The following GPC3 variants were observed in gnomAD, a reference collection of about 807,000 sequenced individuals.
GPC3 encodes glypican 3, also known as glypican-3.
In GPC3, 3 loss-of-function variants were observed where a neutral mutation model predicts 34.4. The observed-to-expected ratio is 0.09, with a 90% CI of 0.04 to 0.23. The LOEUF (loss-of-function observed/expected upper bound fraction) is 0.23. Ranked by LOEUF, GPC3 falls within the 10% of genes least tolerant of loss-of-function variation. The pLI, the probability that GPC3 is intolerant of heterozygous loss-of-function variation, is 1.00. For synonymous variants in GPC3, 177 were observed against 174.0 expected (o/e 1.02, Z -0.13); for missense variants, 351 against 445.6 (o/e 0.79, Z 1.91).
chrX:133,613,769 G>C (rs1288081015), intron 6 of GPC3, among the ~76,000 whole-genome samples: 1 of 111,757 alleles, frequency 8.9e-6, no homozygotes, highest in Non-Finnish European at 1.9e-5. Flanking sequence ...CTGCCCCTGA[G>C]GAAGCACAGA....
At chrX:133,809,425 G>C (rs1179189207) in intron 2 of GPC3, among the ~76,000 whole-genome samples, 1 of 111,176 alleles carries the variant, frequency 9.0e-6, no homozygotes, top group Non-Finnish European at 1.9e-5. Flanking sequence ...GAAAAGCAGG[G>C]AGGACAGTGA....
At chrX:133,800,832 G>A (rs1321470540) in intron 2 of GPC3, among the ~76,000 whole-genome samples, 1 of 111,632 alleles carries the variant, frequency 9.0e-6, no homozygotes, top group Admixed American at 9.5e-5. Context: ...GACCACCAAT[G>A]TGTGTGAGGA....
intron 2 of GPC3, among the ~76,000 whole-genome samples, chrX:133,764,611 A>G (rs993186200): frequency 8.0e-5 from 9 of 112,074 alleles, no homozygotes; most frequent in African/African-American, 9.7e-5. Context: ...ACACCCTTGA[A>G]AAAGCAGGAA....
intron 6 of GPC3, among the ~76,000 whole-genome samples, chrX:133,643,614 T>C (rs926491730): frequency 2.7e-5 from 3 of 111,744 alleles, no homozygotes; most frequent in African/African-American, 9.8e-5. Context: ...CATACATATA[T>C]ACACATTAAT....
chrX:133,962,009 G>T (rs745571280), intron 1 of GPC3, among the ~76,000 whole-genome samples: 14 of 112,151 alleles, frequency 1.2e-4, no homozygotes, highest in Admixed American at 3.8e-4. Flanking sequence ...GGGCACAGGG[G>T]TGTGAAAGTG....
At chrX:133,622,236 C>A (rs763463968) in intron 6 of GPC3, among the ~76,000 whole-genome samples, 1 of 111,850 alleles carries the variant, frequency 8.9e-6, no homozygotes, top group African/African-American at 3.2e-5. Context: ...TTCTAAAAAT[C>A]GGAGCACCTC....
At chrX:133,833,504 G>T (rs774647158) in intron 2 of GPC3, among the ~76,000 whole-genome samples, 1 of 111,381 alleles carries the variant, frequency 9.0e-6, no homozygotes, top group South Asian at 3.8e-4. Context: ...CTTGTTAAGC[G>T]CCAGGCACTG....
chrX:133,708,985 TTTG>T (rs1478712057), intron 3 of GPC3, among the ~76,000 whole-genome samples: 3 of 112,329 alleles, frequency 2.7e-5, no homozygotes, highest in Non-Finnish European at 5.6e-5. Flanking sequence ...TTCAGTACAA[TTTG>T]TTAAGATCAT....
chrX:133,660,882 G>A (rs2070709684), intron 6 of GPC3, among the ~76,000 whole-genome samples: 1 of 111,642 alleles, frequency 9.0e-6, no homozygotes, highest in African/African-American at 3.3e-5. Context: ...ATAAAGATTT[G>A]TGGGGACCAG....
intron 2 of GPC3, among the ~76,000 whole-genome samples, chrX:133,869,986 G>A (rs775707154): frequency 2.0e-4 from 22 of 111,423 alleles, no homozygotes; most frequent in Non-Finnish European, 3.4e-4. Flanking sequence ...AAAGAGTACC[G>A]GGCAACTACA....
At chrX:133,927,778 A>C (rs2076281985) in intron 2 of GPC3, among the ~76,000 whole-genome samples, 2 of 109,475 alleles carry the variant, frequency 1.8e-5, no homozygotes, top group African/African-American at 6.6e-5. Context: ...ATGCCTGGCT[A>C]CTTTCACTTT....
At chrX:133,629,663 G>C (rs2070345711) in intron 6 of GPC3, among the ~76,000 whole-genome samples, 1 of 109,081 alleles carries the variant, frequency 9.2e-6, no homozygotes, top group Non-Finnish European at 1.9e-5. Context: ...CAAAGTGCTG[G>C]GATTACAGGT....
intron 2 of GPC3, among the ~76,000 whole-genome samples, chrX:133,802,854 G>C (rs2075616467): frequency 9.2e-6 from 1 of 109,126 alleles, no homozygotes; most frequent in African/African-American, 3.3e-5. Context: ...GAGAGAATGA[G>C]AGAATGAGTA....
In GPC3 at chrX:133,684,761, G is replaced by A. The variant is rs539007814; in HGVS notation, c.1292+7608C>T. 2.3e-4 allele frequency among the ~76,000 whole-genome samples: 26 copies of A among 111,318 alleles called. No individual in the cohort carries two copies. The South Asian group carries it at 9.9e-3, about 42-fold the overall frequency. ...AACAAATAATAACTTATTTTAGCAC[G>A]AGAGCATGGAAGCGATGTATAGCAA... On this transcript the variant is annotated intron_variant, in intron 5 of 7. Coordinates refer to ENST00000370818, the MANE Select transcript of GPC3 (RefSeq NM_004484.4).
intron 7 of GPC3, among the ~76,000 whole-genome samples, chrX:133,567,904 T>C (rs2069595687): frequency 8.9e-6 from 1 of 112,307 alleles, no homozygotes; most frequent in Non-Finnish European, 1.9e-5. Context: ...AAAACCTTTA[T>C]GATACCTTTC....
intron 2 of GPC3, among the ~76,000 whole-genome samples, chrX:133,814,234 C>A (rs1365979297): frequency 9.0e-6 from 1 of 111,087 alleles, no homozygotes; most frequent in Non-Finnish European, 1.9e-5. Context: ...CTCCAGGATA[C>A]CTCCTCTATA....
At chrX:133,969,276 A>C (rs942036008) in intron 1 of GPC3, among the ~76,000 whole-genome samples, 14 of 111,640 alleles carry the variant, frequency 1.3e-4, no homozygotes, top group African/African-American at 3.3e-4. Flanking sequence ...ATTATCCAGT[A>C]AACTGAAATT....
chrX:133,848,569 A>T (rs2075857081), intron 2 of GPC3, among the ~76,000 whole-genome samples: 1 of 112,518 alleles, frequency 8.9e-6, no homozygotes, highest in African/African-American at 3.2e-5. Context: ...ATCAATTGGA[A>T]ATAGACAACA....
At chrX:133,965,496 C>T (rs2076459542) in intron 1 of GPC3, among the ~76,000 whole-genome samples, 1 of 111,023 alleles carries the variant, frequency 9.0e-6, no homozygotes, top group South Asian at 3.9e-4. Flanking sequence ...GATACAACCA[C>T]AAACCGAAAA....
Sources: allele counts gnomAD v4.1 joint callset (sites outside exome capture counted in the v4.1 genomes callset), GRCh38; gene constraint gnomAD v4.1.1; transcripts MANE v1.5; gene names NCBI Gene and HGNC (gene_info 2026-07-23, HGNC 2026-07-21).